The following TRMT61B variants were observed in gnomAD, a reference collection of about 807,000 sequenced individuals.
TRMT61B encodes tRNA methyltransferase 61B.
In TRMT61B, 56 loss-of-function variants were observed where a neutral mutation model predicts 52.0. That is an observed-to-expected ratio of 1.08 (90% confidence interval 0.87 to 1.35). The LOEUF is 1.35. Among genes scored for constraint, TRMT61B ranks in the 40% most tolerant of loss-of-function variants. The pLI is 0.00. For missense variants in TRMT61B, 650 were observed against 577.9 expected (o/e 1.12, Z -1.28); for synonymous variants, 206 against 220.0 (o/e 0.94, Z 0.56).
At chr2:28,861,340 TATTAA>T in intron 2 of TRMT61B, 32 bp from the exon 3 acceptor site, 1 of 1,492,160 alleles carries the variant, frequency 6.7e-7, no homozygotes, top group East Asian at 2.5e-5. Flanking sequence ...TATTTCATAA[TATTAA>T]TCAGTTTATT....
intron 3 of TRMT61B, among the ~76,000 whole-genome samples, chr2:28,856,888 G>C (rs1669368936): frequency 6.6e-6 from 1 of 151,808 alleles, no homozygotes; most frequent in Admixed American, 6.6e-5. Flanking sequence ...GCCCGCCTTG[G>C]CCTCCCAAAG....
intron 1 of TRMT61B, among the ~76,000 whole-genome samples, chr2:28,866,881 G>A (rs1029633113): frequency 7.2e-5 from 11 of 151,980 alleles, no homozygotes; most frequent in African/African-American, 1.9e-4. Context: ...CGGCAGCCTC[G>A]AACTTCTGGG....
At position 28,849,917 on chromosome 2, in the gene TRMT61B, G is replaced by A. The variant is rs747499780; in HGVS notation, c.*282C>T. 5 of 1,593,710 alleles carry A rather than the reference G, an allele frequency of 3.1e-6. No homozygotes were observed. In the South Asian group the frequency reaches 5.8e-5, roughly 18 times the overall value. On this transcript the variant is annotated 3_prime_UTR_variant, in exon 7 of 7. Coordinates refer to ENST00000306108, the MANE Select transcript of TRMT61B (RefSeq NM_017910.4). Reference sequence around the variant, plus strand: ...TCTTGAAGAAAGACAAATCTATGGAGTGGTTTACAGGAAGTGAAGAATGAG... The same window carrying A: ...TCTTGAAGAAAGACAAATCTATGGAATGGTTTACAGGAAGTGAAGAATGAG...
intron 3 of TRMT61B, 26 bp downstream of exon 3, chr2:28,861,092 C>A: frequency 1.3e-6 from 2 of 1,564,330 alleles, no homozygotes; most frequent in Non-Finnish European, 8.6e-7. Flanking sequence ...AAAGTAATAA[C>A]ACAGGACCCA....
At chr2:28,863,412 C>G (rs1445460721) in intron 2 of TRMT61B, among the ~76,000 whole-genome samples, 1 of 136,622 alleles carries the variant, frequency 7.3e-6, no homozygotes, top group Non-Finnish European at 1.5e-5. Flanking sequence ...AACTGGGGAA[C>G]AGAGTGAGAA....
At chr2:28,862,428 G>A (rs1669647991) in intron 2 of TRMT61B, among the ~76,000 whole-genome samples, 1 of 148,342 alleles carries the variant, frequency 6.7e-6, no homozygotes, top group Non-Finnish European at 1.5e-5. Context: ...CACCTCCCAG[G>A]CTCAAGCGAT....
At position 28,869,725 on chromosome 2, in the gene TRMT61B, C is replaced by T; in HGVS notation, c.553G>A (p.Gly185Arg). 1.2e-6 allele frequency: 2 copies of T among 1,614,152 alleles called. No individual in the cohort carries two copies. Among genetic ancestry groups the T allele is most frequent in the Non-Finnish European group, 1.7e-6 (2 of 1,180,032 alleles). ...ACGATCTTGCCGAACGGGACTGCCCCCCAGTTACTATTTAAGAGTCCGAAG... is the reference window on the plus strand; with the variant it reads ...ACGATCTTGCCGAACGGGACTGCCCTCCAGTTACTATTTAAGAGTCCGAAG... ...NNFGLLNSNWGAVPFGKIVGK... is the reference protein window; with the variant it reads ...NNFGLLNSNWRAVPFGKIVGK... The change falls in exon 1 of 7, where the codon GGG becomes AGG. Residue 185 changes from glycine (G) to arginine (R), a missense_variant. Gly to Arg is a moderately radical substitution (Grantham distance 125). Coordinates refer to ENST00000306108, the MANE Select transcript of TRMT61B (RefSeq NM_017910.4).
chr2:28,861,652 C>CT (rs1669602192), intron 2 of TRMT61B, among the ~76,000 whole-genome samples: 1 of 152,148 alleles, frequency 6.6e-6, no homozygotes, highest in Admixed American at 6.6e-5. Context: ...GTACTGCATT[C>CT]TTTTTTAACA....
intron 3 of TRMT61B, among the ~76,000 whole-genome samples, chr2:28,859,318 A>T (rs971415539): frequency 2.7e-5 from 4 of 150,908 alleles, no homozygotes; most frequent in Admixed American, 6.6e-5. Context: ...TGACCTCAGG[A>T]GATCCGCCTG....
In TRMT61B at chr2:28,870,240, C is replaced by G. The variant is rs139225663; in HGVS notation, c.38G>C (p.Cys13Ser). 4 of 1,606,912 alleles carry G rather than the reference C, an allele frequency of 2.5e-6. No individual in the cohort carries two copies. The highest frequency in any genetic ancestry group is 1.7e-5 in the Admixed American group (1 of 58,964). Reference protein sequence around the residue: ...MAWCRGPVLLCLRQGLGTNSF... With the variant: ...MAWCRGPVLLSLRQGLGTNSF... Reference sequence around the variant, plus strand: ...ATTGGTTCCGAGCCCCTGCCGCAGGCACAGCAAGACAGGACCGCGGCACCA... The same window carrying G: ...ATTGGTTCCGAGCCCCTGCCGCAGGGACAGCAAGACAGGACCGCGGCACCA... The change falls in exon 1 of 7, where the codon TGC (cysteine) becomes TCC (serine). Residue 13 changes from cysteine (C) to serine (S), a missense_variant. Transcript: ENST00000306108.
intron 2 of TRMT61B, among the ~76,000 whole-genome samples, chr2:28,864,623 C>T (rs1288152969): frequency 6.6e-6 from 1 of 152,004 alleles, no homozygotes; most frequent in Non-Finnish European, 1.5e-5. Flanking sequence ...CATGAGGAGG[C>T]ATCTGTGGGG....
Position 28,865,015 on chromosome 2 carries a change from A to C in TRMT61B, c.802+2T>G. 9 of 1,592,422 alleles carry C rather than the reference A, an allele frequency of 5.7e-6. No homozygotes were observed. The highest frequency in any genetic ancestry group is 7.8e-6 in the Non-Finnish European group (9 of 1,160,630). Reference sequence around the variant, plus strand: ...GAGATCCAGCTCAGTCCAATCTCTTACCTGCTTTGGATAAAAATAAGCTCA... The same window carrying C: ...GAGATCCAGCTCAGTCCAATCTCTTCCCTGCTTTGGATAAAAATAAGCTCA... On this transcript the variant is annotated splice_donor_variant, in intron 2 of 6. Coordinates refer to ENST00000306108, the MANE Select transcript of TRMT61B (RefSeq NM_017910.4). LOFTEE classifies it high-confidence loss of function.
chr2:28,850,438 C>T (rs1172630359), intron 5 of TRMT61B, 33 bp from the exon 6 acceptor site: 1 of 1,378,254 alleles, frequency 7.3e-7, no homozygotes, highest in East Asian at 2.3e-5. Context: ...CTATAAGCTA[C>T]ATAAAATATT....
intron 3 of TRMT61B, among the ~76,000 whole-genome samples, chr2:28,857,210 G>A (rs1341081283): frequency 2.6e-5 from 4 of 151,600 alleles, no homozygotes; most frequent in Non-Finnish European, 4.4e-5. Flanking sequence ...CTGGGATTAC[G>A]GCCATGAACC....
rs116303777 is a variant in TRMT61B, at chr2:28,864,997, A to T, written c.802+20T>A. 2.1e-6 allele frequency: 3 copies of T among 1,432,504 alleles called. No individual in the cohort carries two copies. The African/African-American group carries it at 4.2e-5, about 20-fold the overall frequency. 88.7% of individuals were successfully genotyped at this position (1,432,504 alleles called of 1,614,324 possible). A position where few individuals can be genotyped will look rare whatever the true frequency, so the allele number is the denominator to read the frequency against. ...AATGTTTTCTTTGTTACTGAGATCC[A>T]GCTCAGTCCAATCTCTTACCTGCTT... is the stretch of plus-strand genomic sequence containing the variant. On this transcript the variant is annotated intron_variant, in intron 2 of 6. Coordinates refer to ENST00000306108, the MANE Select transcript of TRMT61B (RefSeq NM_017910.4).
At position 28,855,970 on chromosome 2, in the gene TRMT61B, C is replaced by CAAATAAAT. The variant is rs370500686; in HGVS notation, c.994-3479_994-3472dup. Reference sequence around the variant, plus strand: ...TGGGCAACAGAGTGAGACTCCATCTCAAATAAATAAATAAATAAATAAATA... The same window carrying CAAATAAAT: ...TGGGCAACAGAGTGAGACTCCATCTCAAATAAATAAATAAATAAATAAATAAATAAATA... On this transcript the variant is annotated intron_variant, in intron 3 of 6. Coordinates refer to ENST00000306108, the MANE Select transcript of TRMT61B (RefSeq NM_017910.4). Among the ~76,000 whole-genome samples the CAAATAAAT allele has an allele frequency of 6.2e-3, 936 of 151,936 alleles. 7 individuals carry two copies. Among genetic ancestry groups the CAAATAAAT allele is most frequent in the African/African-American group, 0.021 (890 of 41,418 alleles).
chr2:28,862,639 T>C (rs1050823809), intron 2 of TRMT61B, among the ~76,000 whole-genome samples: 1 of 151,712 alleles, frequency 6.6e-6, no homozygotes, highest in African/African-American at 2.4e-5. Flanking sequence ...AGCCTTTTAA[T>C]GTAATTTTAA....
chr2:28,869,358 G>C (rs1669984771), intron 1 of TRMT61B, among the ~76,000 whole-genome samples: 1 of 152,080 alleles, frequency 6.6e-6, no homozygotes, highest in Non-Finnish European at 1.5e-5. Flanking sequence ...ACAAATAAGG[G>C]ACTCGAGACT....
chr2:28,865,023 TG>T lies in TRMT61B; in HGVS notation c.795del (p.Ala267GlnfsTer9). On this transcript the variant is annotated frameshift_variant, in exon 2 of 7. Transcript: ENST00000306108. LOFTEE classifies it high-confidence loss of function. ...GCTCAGTCCAATCTCTTACCTGCTT[TG>T]GATAAAAATAAGCTCATTCCACCAG... Reference protein sequence around the residue: ...SGSGGMSLFLSKAVGSQGRVI... With the variant: ...SGSGGMSLFLXKAVGSQGRVI... 1 of 1,605,506 alleles carries T rather than the reference TG, an allele frequency of 6.2e-7. No homozygotes were observed. The highest frequency in any genetic ancestry group is 8.5e-7 in the Non-Finnish European group (1 of 1,172,386).
Sources: gnomAD v4.1 joint callset for allele counts (sites outside exome capture counted in the v4.1 genomes callset) on GRCh38, gnomAD v4.1.1 for gene constraint, MANE v1.5 for transcripts, NCBI Gene and HGNC (gene_info 2026-07-23, HGNC 2026-07-21) for gene names.